PRSS41: variants seen among roughly 807,000 people sequenced by gnomAD.
PRSS41 encodes the protein serine protease 41.
Under a neutral mutation model 28.8 loss-of-function variants are expected in PRSS41, and 37 were observed. That is an observed-to-expected ratio of 1.29 (90% CI 0.99 to 1.69). The LOEUF (loss-of-function observed/expected upper bound fraction) is 1.69. Among genes scored for constraint, PRSS41 ranks in the 40% most tolerant of loss-of-function variants. The pLI is 0.00. For synonymous variants in PRSS41, 195 were observed against 163.1 expected, an observed-to-expected ratio of 1.20 and a Z score of -1.49; for missense variants, 431 against 400.7, an observed-to-expected ratio of 1.08 and a Z score of -0.65.
At position 2,798,660 on chromosome 16, in the gene PRSS41, CAGGT is replaced by C. The variant is rs1025551563; in HGVS notation, c.91+2_91+5del. On this transcript the variant is annotated splice_donor_variant and coding_sequence_variant, in exon 2 of 6. Transcript: ENST00000399677. LOFTEE classifies it high-confidence loss of function. ...GAGTCGCAGGAGGAGGAGCTGTTGT[CAGGT>C]AGGGCGCCCAGGACGCGCGATGCCA... is the stretch of plus-strand genomic sequence containing the variant. The C allele has an allele frequency of 4.1e-6, 6 of 1,476,088 alleles. No homozygotes were observed. The highest frequency in any genetic ancestry group is 3.0e-5 in the African/African-American group (2 of 67,552). 91.4% of individuals were successfully genotyped at this position (1,476,088 alleles called of 1,614,324 possible).
chr16:2,799,201 T>C (rs2068968884), intron 3 of PRSS41, 77 bp downstream of exon 3: 1 of 1,514,844 alleles, frequency 6.6e-7, no homozygotes, highest in Non-Finnish European at 8.8e-7. Flanking sequence ...ACCCAGCAGC[T>C]TGGCCTCAGG....
At chr16:2,799,171 A>C in intron 3 of PRSS41, 47 bp downstream of exon 3, 1 of 1,506,194 alleles carries the variant, frequency 6.6e-7, no homozygotes, top group East Asian at 2.5e-5. Context: ...AATGGCCTCC[A>C]GGATGAGCAA....
At chr16:2,805,148 T>C (rs1380713208) in exon 6 of PRSS41, 1 of 1,540,758 alleles carries the variant, frequency 6.5e-7, no homozygotes, top group South Asian at 1.2e-5. Context: ...GCAGCCATTC[T>C]GAGTGCACCA....
rs774366772 is a variant in PRSS41 at position 2,805,086 on chromosome 16, A to C, written c.872A>C (p.Asn291Thr). The change falls in exon 6 of 6, where the codon AAC (asparagine) becomes ACC (threonine). Residue 291 changes from asparagine to threonine, a missense_variant. Coordinates refer to ENST00000399677, the Ensembl canonical transcript of PRSS41. ...ATGTCCCACAGTACACCCAGGCCAA[A>C]CCCCTCCCAGCTGTTGCTGCTCCTT... is the stretch of plus-strand genomic sequence containing the variant. 9 of 1,551,588 alleles carry C rather than the reference A, an allele frequency of 5.8e-6. No individual in the cohort carries two copies. In the East Asian group the frequency reaches 9.8e-5, roughly 17 times the overall value.
intron 2 of PRSS41, 89 bp downstream of exon 2, chr16:2,798,751 A>G: frequency 7.8e-7 from 1 of 1,287,288 alleles, no homozygotes; most frequent in South Asian, 1.6e-5. Flanking sequence ...CCAGGTCCCG[A>G]GAACGTGATG....
At chr16:2,804,811 G>A (rs1349166191) in intron 5 of PRSS41, 103 bp from the exon 6 acceptor site, 5 of 942,850 alleles carry the variant, frequency 5.3e-6, no homozygotes, top group Non-Finnish European at 8.2e-6. Flanking sequence ...AAGGAGTAAG[G>A]TTTGCATTCA....
intron 4 of PRSS41, among the ~76,000 whole-genome samples, chr16:2,802,345 C>T (rs1472461473): frequency 1.3e-5 from 2 of 150,896 alleles, no homozygotes; most frequent in Admixed American, 1.3e-4. Flanking sequence ...AGAGGCGCTC[C>T]TCACTTCCTA....
At chr16:2,801,984 T>A (rs2068990080) in intron 4 of PRSS41, among the ~76,000 whole-genome samples, 1 of 140,580 alleles carries the variant, frequency 7.1e-6, no homozygotes, top group Non-Finnish European at 1.5e-5. Context: ...CCCCCCCACC[T>A]CCCTCCCGGA....
chr16:2,803,566 A>T (rs1409007867), intron 4 of PRSS41, among the ~76,000 whole-genome samples: 1 of 152,248 alleles, frequency 6.6e-6, no homozygotes, highest in Non-Finnish European at 1.5e-5. Flanking sequence ...TAAATTACAT[A>T]AGAAAAAGAG....
chr16:2,802,836 G>C (rs572793381), intron 4 of PRSS41, among the ~76,000 whole-genome samples: 5 of 151,886 alleles, frequency 3.3e-5, no homozygotes, highest in Admixed American at 3.3e-4. Context: ...GTCCAGCTTC[G>C]GCTCCGCATG....
In PRSS41 at chr16:2,804,379, C is replaced by T; in HGVS notation, c.542-10C>T. The T allele has an allele frequency of 6.4e-7, 1 of 1,551,122 alleles. No individual in the cohort carries two copies. The highest frequency in any genetic ancestry group is 8.7e-7 in the Non-Finnish European group (1 of 1,146,842). On this transcript the variant is annotated splice_polypyrimidine_tract_variant and intron_variant, in intron 4 of 5. Transcript: ENST00000399677. ...GTGAAGGGTGCTGTCCTTTTCTGTC[C>T]TATCTCCAGCACCTCTGCCACCTCC...
chr16:2,799,180 A>G (rs1218385373), intron 3 of PRSS41, 56 bp downstream of exon 3: 1 of 1,506,614 alleles, frequency 6.6e-7, no homozygotes, highest in Non-Finnish European at 8.9e-7. Context: ...CAGGATGAGC[A>G]AACAGTAGCC....
At chr16:2,801,323 T>C (rs2068984424) in intron 4 of PRSS41, among the ~76,000 whole-genome samples, 1 of 152,168 alleles carries the variant, frequency 6.6e-6, no homozygotes, top group Admixed American at 6.5e-5. Flanking sequence ...TGTAATGTTG[T>C]TCTTGGACTC....
At chr16:2,804,541 T>A in exon 5 of PRSS41, 1 of 1,550,666 alleles carries the variant, frequency 6.4e-7, no homozygotes, top group Non-Finnish European at 8.7e-7. Context: ...TGTAGACACC[T>A]GCAAAGTGAG....
At chr16:2,803,278 G>C (rs923650148) in intron 4 of PRSS41, among the ~76,000 whole-genome samples, 1 of 151,758 alleles carries the variant, frequency 6.6e-6, no homozygotes, top group African/African-American at 2.4e-5. Context: ...TTGTTTAACT[G>C]ATTGTTTTAG....
At position 2,804,385 on chromosome 16, in the gene PRSS41, C is replaced by G; in HGVS notation, c.542-4C>G. 1 of 1,551,342 alleles carries G rather than the reference C, an allele frequency of 6.4e-7. No individual in the cohort carries two copies. Among genetic ancestry groups the G allele is most frequent in the Admixed American group, 2.0e-5 (1 of 50,992 alleles). ...GGTGCTGTCCTTTTCTGTCCTATCT[C>G]CAGCACCTCTGCCACCTCCTTACAA... On this transcript the variant is annotated splice_polypyrimidine_tract_variant and splice_region_variant and intron_variant, in intron 4 of 5. Coordinates refer to ENST00000399677, the Ensembl canonical transcript of PRSS41.
Position 2,803,048 on chromosome 16 carries a change from CTT to C in PRSS41, c.542-1340_542-1339del, listed in dbSNP as rs373785943. Among the ~76,000 whole-genome samples the C allele has an allele frequency of 7.2e-4, 109 of 152,310 alleles. No individual in the cohort carries two copies. In the East Asian group the frequency reaches 0.017, roughly 23 times the overall value. Reference sequence around the variant, plus strand: ...GTTTCACTGGATCTAAAGTGACTCTCTTATAAGGAGCACCTATCTGGATCCAG... The same window carrying C: ...GTTTCACTGGATCTAAAGTGACTCTCATAAGGAGCACCTATCTGGATCCAG... On this transcript the variant is annotated intron_variant, in intron 4 of 5. Transcript: ENST00000399677.
exon 6 of PRSS41, chr16:2,805,113 C>A (rs1402572012): frequency 1.3e-6 from 2 of 1,551,232 alleles, no homozygotes; most frequent in African/African-American, 2.7e-5. Flanking sequence ...CTGCTCCTTG[C>A]CCTGCTGTGG....
Position 2,799,586 on chromosome 16 carries a change from A to G in PRSS41, c.541+17A>G. ...CCAGTGGCAGTGAGGCTGGGGATAG[A>G]CCGGGTGGGGTGATGGGGGTGCGGG... On this transcript the variant is annotated intron_variant, in intron 4 of 5. Coordinates refer to ENST00000399677, the Ensembl canonical transcript of PRSS41. 1 of 1,550,020 alleles carries G rather than the reference A, an allele frequency of 6.5e-7. No individual in the cohort carries two copies. Among genetic ancestry groups the G allele is most frequent in the Non-Finnish European group, 8.7e-7 (1 of 1,146,660 alleles).
Sources: allele counts gnomAD v4.1 joint callset (sites outside exome capture counted in the v4.1 genomes callset), GRCh38; gene constraint gnomAD v4.1.1; transcripts MANE v1.5; gene names NCBI Gene and HGNC (gene_info 2026-07-23, HGNC 2026-07-21).